The following PRKG1 variants were observed in gnomAD, a reference collection of about 807,000 sequenced individuals.
PRKG1 encodes the protein protein kinase cGMP-dependent 1.
PRKG1 carries 35 observed loss-of-function variants against 88.1 expected under a neutral mutation model. That is an observed-to-expected ratio of 0.40 (90% CI 0.30 to 0.53). PRKG1 has a LOEUF of 0.53. Among genes scored for constraint, PRKG1 ranks in the 20% least tolerant of loss-of-function variants. The probability of loss-of-function intolerance (pLI) is 0.59; values close to 1 mark genes in which losing one functional copy is unlikely to be tolerated. For missense variants in PRKG1, 540 were observed against 839.8 expected, an observed-to-expected ratio of 0.64 and a Z score of 4.41; for synonymous variants, 303 against 292.5, an observed-to-expected ratio of 1.04 and a Z score of -0.37.
At chr10:51,160,004 A>G (rs140570602) in intron 2 of PRKG1, among the ~76,000 whole-genome samples, 91 of 152,310 alleles carry the variant, frequency 6.0e-4, no homozygotes, top group Middle Eastern at 3.4e-3. Context: ...AGCAGTGACT[A>G]CATCGCATCT....
chr10:52,066,100 C>T (rs568676159), intron 7 of PRKG1, among the ~76,000 whole-genome samples: 2 of 152,260 alleles, frequency 1.3e-5, no homozygotes, highest in Non-Finnish European at 2.9e-5. Flanking sequence ...ACTCTAAGTG[C>T]CCTCTTAAAT....
chr10:51,027,594 A>T (rs936509072), intron 1 of PRKG1, among the ~76,000 whole-genome samples: 1 of 152,214 alleles, frequency 6.6e-6, no homozygotes, highest in Non-Finnish European at 1.5e-5. Flanking sequence ...CATTGAGAAC[A>T]TTATCATTAA....
chr10:52,146,275 C>A (rs1490712188), intron 8 of PRKG1, among the ~76,000 whole-genome samples: 1 of 152,060 alleles, frequency 6.6e-6, no homozygotes, highest in East Asian at 1.9e-4. Context: ...ATAAATATAA[C>A]CCTACCATTC....
At chr10:51,714,465 G>T (rs973368136) in intron 3 of PRKG1, among the ~76,000 whole-genome samples, 3 of 152,110 alleles carry the variant, frequency 2.0e-5, no homozygotes, top group Non-Finnish European at 4.4e-5. Context: ...GAAAATAGTA[G>T]AATGAAAGAA....
At chr10:51,509,716 G>T (rs1841336022) in intron 3 of PRKG1, among the ~76,000 whole-genome samples, 1 of 152,082 alleles carries the variant, frequency 6.6e-6, no homozygotes, top group Admixed American at 6.6e-5. Context: ...CGATGTTGGG[G>T]TTTTGTATAT....
chr10:51,438,598 G>A (rs1288783816), intron 2 of PRKG1, among the ~76,000 whole-genome samples: 1 of 151,818 alleles, frequency 6.6e-6, no homozygotes, highest in Non-Finnish European at 1.5e-5. Context: ...AGACCACAGA[G>A]GTAGAGTACC....
chr10:51,542,015 T>C (rs1450149010), intron 3 of PRKG1, among the ~76,000 whole-genome samples: 1 of 152,106 alleles, frequency 6.6e-6, no homozygotes, highest in Non-Finnish European at 1.5e-5. Flanking sequence ...TCCAGGCTCT[T>C]GACCCCAGTC....
intron 3 of PRKG1, among the ~76,000 whole-genome samples, chr10:51,794,701 A>G (rs1358229084): frequency 6.6e-6 from 1 of 152,106 alleles, no homozygotes; most frequent in Non-Finnish European, 1.5e-5. Context: ...TCATTCTACA[A>G]TGTATACATA....
At chr10:51,833,129 A>G (rs926080888) in intron 4 of PRKG1, among the ~76,000 whole-genome samples, 1 of 152,180 alleles carries the variant, frequency 6.6e-6, no homozygotes, top group Non-Finnish European at 1.5e-5. Flanking sequence ...ATGGCAACAA[A>G]TCTGCCCACA....
At chr10:51,106,536 C>G (rs1199632682) in intron 1 of PRKG1, among the ~76,000 whole-genome samples, 2 of 152,120 alleles carry the variant, frequency 1.3e-5, no homozygotes, top group Non-Finnish European at 2.9e-5. Flanking sequence ...CAGCACCTTT[C>G]TTAGAGGGGA....
At chr10:51,213,197 C>T (rs769886447) in intron 2 of PRKG1, among the ~76,000 whole-genome samples, 8 of 152,006 alleles carry the variant, frequency 5.3e-5, no homozygotes, top group Non-Finnish European at 1.0e-4. Context: ...CCATCATTCT[C>T]TAGCAAGCTA....
chr10:51,679,289 T>A (rs1456222113), intron 3 of PRKG1, among the ~76,000 whole-genome samples: 1 of 152,206 alleles, frequency 6.6e-6, no homozygotes, highest in Admixed American at 6.5e-5. Context: ...CTTTTTTCTC[T>A]CTGTTTTCCT....
intron 5 of PRKG1, among the ~76,000 whole-genome samples, chr10:51,950,960 C>T (rs1026375700): frequency 1.3e-5 from 2 of 152,204 alleles, no homozygotes; most frequent in African/African-American, 4.8e-5. Flanking sequence ...GGAAAGTCCC[C>T]CAGTGTAGCT....
chr10:52,251,564 A>T lies in PRKG1; in HGVS notation c.1077-6A>T, dbSNP rs1430404061. 6.2e-7 allele frequency: 1 copy of T among 1,612,640 alleles called. No individual in the cohort carries two copies. Among genetic ancestry groups the T allele is most frequent in the Non-Finnish European group, 8.5e-7 (1 of 1,178,846 alleles). On this transcript the variant is annotated splice_polypyrimidine_tract_variant and splice_region_variant and intron_variant, in intron 9 of 17. Coordinates refer to ENST00000373980, the MANE Select transcript of PRKG1 (RefSeq NM_006258.4). Reference sequence around the variant, plus strand: ...AATTTCCATTTTTTCACATCAAAAAATCCAGATATGAAGCTGAAGCGGCTT... The same window carrying T: ...AATTTCCATTTTTTCACATCAAAAATTCCAGATATGAAGCTGAAGCGGCTT...
intron 2 of PRKG1, among the ~76,000 whole-genome samples, chr10:51,436,280 G>C (rs1238004917): frequency 6.6e-6 from 1 of 151,834 alleles, no homozygotes; most frequent in South Asian, 2.1e-4. Flanking sequence ...AAGGGCAAGC[G>C]TAAGGATAAA....
chr10:51,065,096 G>A (rs368796318), intron 1 of PRKG1, among the ~76,000 whole-genome samples: 9 of 152,014 alleles, frequency 5.9e-5, no homozygotes, highest in Admixed American at 1.3e-4. Flanking sequence ...ATCTGCTTTC[G>A]AAATAATGTC....
chr10:51,749,977 C>T (rs2132507455), intron 3 of PRKG1, among the ~76,000 whole-genome samples: 1 of 150,598 alleles, frequency 6.6e-6, no homozygotes, highest in South Asian at 2.1e-4. Flanking sequence ...GCTCTGTCGC[C>T]CAGGCTGGAG....
chr10:51,374,179 T>G (rs1302230912), intron 2 of PRKG1, among the ~76,000 whole-genome samples: 2 of 150,412 alleles, frequency 1.3e-5, no homozygotes, highest in Non-Finnish European at 3.0e-5. Context: ...ACACATGCCA[T>G]GCACCCATCA....
At chr10:51,774,809 A>G (rs1370846434) in intron 3 of PRKG1, among the ~76,000 whole-genome samples, 1 of 152,180 alleles carries the variant, frequency 6.6e-6, no homozygotes, top group Admixed American at 6.5e-5. Context: ...TACATAAGAC[A>G]GAGATGAGAT....
Sources: allele counts gnomAD v4.1 joint callset (sites outside exome capture counted in the v4.1 genomes callset), GRCh38; gene constraint gnomAD v4.1.1; transcripts MANE v1.5; gene names NCBI Gene and HGNC (gene_info 2026-07-23, HGNC 2026-07-21).